The following KCNQ1 variants were observed in gnomAD, a reference collection of about 807,000 sequenced individuals.
The protein encoded by KCNQ1 is potassium voltage-gated channel subfamily KQT member 1.
Under a neutral mutation model 72.4 loss-of-function variants are expected in KCNQ1, and 49 were observed. The ratio of observed to expected loss-of-function variants is 0.68; its 90% confidence interval spans 0.54 to 0.86. KCNQ1 has a LOEUF of 0.86. Ranked by LOEUF, KCNQ1 falls within the 40% of genes least tolerant of loss-of-function variation. The probability of loss-of-function intolerance (pLI) is 0.00; values close to 1 mark genes in which losing one functional copy is unlikely to be tolerated. For missense variants in KCNQ1, 790 were observed against 945.1 expected (o/e 0.84, Z 2.15); for synonymous variants, 450 against 412.6 (o/e 1.09, Z -1.10).
intron 1 of KCNQ1, among the ~76,000 whole-genome samples, chr11:2,519,422 ACT>A (rs1473306761): frequency 2.0e-5 from 3 of 152,082 alleles, no homozygotes; most frequent in Non-Finnish European, 4.4e-5. Flanking sequence ...TGAAAAGGAA[ACT>A]CTGAGCTTTG....
Position 2,451,425 on chromosome 11 carries a change from A to G in KCNQ1, c.386+5941A>G, listed in dbSNP as rs1037642873. 1.3e-5 allele frequency among the ~76,000 whole-genome samples: 2 copies of G among 152,136 alleles called. No homozygotes were observed. The highest frequency in any genetic ancestry group is 4.8e-5 in the African/African-American group (2 of 41,428). Reference sequence around the variant, plus strand: ...ACTGCTGTGCGGCCTGCTCCCTAACAGGCCACGGACCCGGGGTTGGAGAAC... The same window carrying G: ...ACTGCTGTGCGGCCTGCTCCCTAACGGGCCACGGACCCGGGGTTGGAGAAC... On this transcript the variant is annotated intron_variant, in intron 1 of 15. Transcript: ENST00000155840. This position sits in a 1 kb window ranked among gnomAD's most constrained non-coding sequence, Gnocchi z 6.4.
intron 10 of KCNQ1, chr11:2,633,755 T>G (rs1849403142): frequency 2.5e-6 from 1 of 398,514 alleles, no homozygotes. Context: ...CATGCTAATT[T>G]GGTTACCATT....
Position 2,445,165 on chromosome 11 carries a change from GC to G in KCNQ1, c.70del (p.Arg24GlyfsTer62). 2.6e-6 allele frequency: 3 copies of G among 1,135,234 alleles called. No homozygotes were observed. Among genetic ancestry groups the G allele is most frequent in the Non-Finnish European group, 1.1e-6 (1 of 923,078 alleles). The allele number at this position is 1,135,234 out of a possible 1,614,324, so 70.3% of individuals were successfully genotyped here. A position where few individuals can be genotyped will look rare whatever the true frequency, so the allele number is the denominator to read the frequency against. On this transcript the variant is annotated frameshift_variant, in exon 1 of 16. Transcript: ENST00000155840. LOFTEE classifies it high-confidence loss of function. Reference protein sequence around the residue: ...KRWGWGRLPGARRGSAGLAKK... With the variant: ...KRWGWGRLPGXRRGSAGLAKK... ...CTGGGGTTGGGGCCGCCTGCCAGGC[GC>G]CCGGCGGGGCAGCGCGGGCCTGGCC...
rs1305672445 is a variant in KCNQ1, at chr11:2,544,897, A to G, written c.477+16879A>G. Among the ~76,000 whole-genome samples, 3 of 152,200 alleles carry G rather than the reference A, an allele frequency of 2.0e-5. No homozygotes were observed. ...TCCCCAGCCTTAGAAGACACACATC[A>G]TTGTTCACCGTCAAGGGTGATGTTG... On this transcript the variant is annotated intron_variant, in intron 2 of 15. Coordinates refer to ENST00000155840, the MANE Select transcript of KCNQ1 (RefSeq NM_000218.3). This position sits in a 1 kb window ranked among gnomAD's most constrained non-coding sequence, Gnocchi z 4.4.
chr11:2,624,926 T>G lies in KCNQ1; in HGVS notation c.1393+36072T>G. 1 of 398,606 alleles carries G rather than the reference T, an allele frequency of 2.5e-6. No individual in the cohort carries two copies. The highest frequency in any genetic ancestry group is 4.4e-6 in the Non-Finnish European group (1 of 226,076). 24.7% of individuals were successfully genotyped at this position (398,606 alleles called of 1,614,324 possible). A position where few individuals can be genotyped will look rare whatever the true frequency, so the allele number is the denominator to read the frequency against. On this transcript the variant is annotated intron_variant, in intron 10 of 15. Transcript: ENST00000155840. This position sits in a 1 kb window ranked among gnomAD's most constrained non-coding sequence, Gnocchi z 4.9. ...TGGCATGTGTCAAAATTTCTATTTT[T>G]TTTAAAGCTGAATAATATTACATTG...
rs1491026804 is a variant in KCNQ1 at position 2,830,027 on chromosome 11, A to AAGGAGGAGGG, written c.1795-17732_1795-17723dup. Among the ~76,000 whole-genome samples, 5 of 83,968 alleles carry AAGGAGGAGGG rather than the reference A, an allele frequency of 6.0e-5. No individual in the cohort carries two copies. The highest frequency in any genetic ancestry group is 1.4e-4 in the Admixed American group (1 of 7,338). 55.1% of individuals were successfully genotyped at this position (83,968 alleles called of 152,430 possible). A position where few individuals can be genotyped will look rare whatever the true frequency, so the allele number is the denominator to read the frequency against. On this transcript the variant is annotated intron_variant, in intron 15 of 15. Transcript: ENST00000155840. The surrounding 1 kb of genome is among the most constrained non-coding windows in gnomAD (Gnocchi z 7.7). ...GGAGGAAGGAGGAGGAAGGAGGAGG[A>AAGGAGGAGGG]AGGAGGAGGGAGGAGGAAGGAGGAG...
chr11:2,790,360 C>T (rs1846997191), intron 15 of KCNQ1, among the ~76,000 whole-genome samples: 1 of 152,222 alleles, frequency 6.6e-6, no homozygotes, highest in African/African-American at 2.4e-5. Context: ...CCTACTGAGA[C>T]AGCCGGGCCA....
chr11:2,539,066 TG>T (rs1847781086), intron 2 of KCNQ1, among the ~76,000 whole-genome samples: 1 of 152,134 alleles, frequency 6.6e-6, no homozygotes, highest in Non-Finnish European at 1.5e-5. Flanking sequence ...CAGCCCATGG[TG>T]CTCCGGCCAG....
At position 2,827,290 on chromosome 11, in the gene KCNQ1, A is replaced by G. The variant is rs1847858969; in HGVS notation, c.1795-20477A>G. On this transcript the variant is annotated intron_variant, in intron 15 of 15. Transcript: ENST00000155840. This position sits in a 1 kb window ranked among gnomAD's most constrained non-coding sequence, Gnocchi z 6.7. Reference sequence around the variant, plus strand: ...AGGGTCCCAGAGTAGCAGAAGCTTCAGGGCTGATGTGTGCCTGGTGAATCA... The same window carrying G: ...AGGGTCCCAGAGTAGCAGAAGCTTCGGGGCTGATGTGTGCCTGGTGAATCA... 6.6e-6 allele frequency among the ~76,000 whole-genome samples: 1 copy of G among 152,088 alleles called. No individual in the cohort carries two copies.
chr11:2,799,221 A>G (rs576855572), intron 15 of KCNQ1, among the ~76,000 whole-genome samples: 2 of 152,354 alleles, frequency 1.3e-5, no homozygotes, highest in Non-Finnish European at 1.5e-5. Context: ...TCTCAGAGGC[A>G]GGCAGGGGCC....
rs971030385 is a variant in KCNQ1, at chr11:2,651,906, G to A, written c.1394-10055G>A. ...GGGGGTCATAGCCGAGGGTCCCTCT[G>A]GGGCCGCTTGCTCTCCTCCTACTCA... On this transcript the variant is annotated intron_variant, in intron 10 of 15. Transcript: ENST00000155840. This position sits in a 1 kb window ranked among gnomAD's most constrained non-coding sequence, Gnocchi z 6.1. 2.5e-6 allele frequency: 1 copy of A among 398,782 alleles called. No homozygotes were observed. Among genetic ancestry groups the A allele is most frequent in the East Asian group, 3.6e-5 (1 of 28,070 alleles). The allele number at this position is 398,782 out of a possible 1,614,324, so 24.7% of individuals were successfully genotyped here. A position where few individuals can be genotyped will look rare whatever the true frequency, so the allele number is the denominator to read the frequency against.
intron 15 of KCNQ1, chr11:2,840,236 C>G (rs1023812424): frequency 6.6e-6 from 1 of 152,652 alleles, no homozygotes; most frequent in Non-Finnish European, 1.5e-5. Context: ...TCTTCATCCT[C>G]GTCATCTTCA....
chr11:2,848,978 C>T lies in KCNQ1; in HGVS notation c.*975C>T, dbSNP rs74048340. ...AATTGTGCAAGCTTTTCCTAATAAA[C>T]GTGGAGAATCACAGGCTGGGCTGGG... is the stretch of plus-strand genomic sequence containing the variant. On this transcript the variant is annotated 3_prime_UTR_variant, in exon 16 of 16. Coordinates refer to ENST00000155840, the MANE Select transcript of KCNQ1 (RefSeq NM_000218.3). The T allele has an allele frequency of 3.3e-3, 1,519 of 454,154 alleles. 20 individuals carry two copies. The highest frequency in any genetic ancestry group is 0.025 in the African/African-American group (1,266 of 50,128). 28.1% of individuals were successfully genotyped at this position (454,154 alleles called of 1,614,324 possible).
Position 2,725,201 on chromosome 11 carries a change from G to C in KCNQ1, c.1515-43643G>C, listed in dbSNP as rs1845737539. Among the ~76,000 whole-genome samples, 1 of 152,234 alleles carries C rather than the reference G, an allele frequency of 6.6e-6. No individual in the cohort carries two copies. The highest frequency in any genetic ancestry group is 1.5e-5 in the Non-Finnish European group (1 of 68,038). ...CAGGAGGAAGCCGACGGCCATCTGT[G>C]CTCAGACCCAGTGGTGAGCCTAAGA... On this transcript the variant is annotated intron_variant, in intron 11 of 15. Coordinates refer to ENST00000155840, the MANE Select transcript of KCNQ1 (RefSeq NM_000218.3). This position sits in a 1 kb window ranked among gnomAD's most constrained non-coding sequence, Gnocchi z 7.2.
chr11:2,629,853 T>C, intron 10 of KCNQ1: 1 of 398,068 alleles, frequency 2.5e-6, no homozygotes, highest in Non-Finnish European at 4.4e-6. Flanking sequence ...TCTACATATA[T>C]GATGTCATCT....
At chr11:2,576,042 C>G (rs1004404245) in intron 6 of KCNQ1, among the ~76,000 whole-genome samples, 4 of 152,256 alleles carry the variant, frequency 2.6e-5, no homozygotes, top group African/African-American at 9.6e-5. Context: ...AGGACACTTG[C>G]TGTTGGCTTT....
chr11:2,589,415 A>T (rs1042639825), intron 10 of KCNQ1, among the ~76,000 whole-genome samples: 2 of 152,150 alleles, frequency 1.3e-5, no homozygotes. Flanking sequence ...GGATGAAGCT[A>T]CCTTCTGCGG....
chr11:2,708,454 C>T (rs569732115), intron 11 of KCNQ1, among the ~76,000 whole-genome samples: 1 of 152,292 alleles, frequency 6.6e-6, no homozygotes, highest in South Asian at 2.1e-4. Context: ...CCACAGCCCC[C>T]GAGGAGGGTG....
rs1412674381 is a variant in KCNQ1, at chr11:2,768,342, T to C, written c.1515-502T>C. Among the ~76,000 whole-genome samples the C allele has an allele frequency of 1.3e-5, 2 of 152,230 alleles. No individual in the cohort carries two copies. The highest frequency in any genetic ancestry group is 2.9e-5 in the Non-Finnish European group (2 of 68,024). On this transcript the variant is annotated intron_variant, in intron 11 of 15. Transcript: ENST00000155840. This position sits in a 1 kb window ranked among gnomAD's most constrained non-coding sequence, Gnocchi z 6.7. ...CGCAGCCCCCTTAACAGAGTGGCTC[T>C]GGTGGCAACTTTCCCTTGTTAATTT...
Sources: gnomAD v4.1 joint callset for allele counts (sites outside exome capture counted in the v4.1 genomes callset) on GRCh38, gnomAD v4.1.1 for gene constraint, Gnocchi (gnomAD v3.1) non-coding constraint, MANE v1.5 for transcripts, NCBI Gene and HGNC (gene_info 2026-07-23, HGNC 2026-07-21) for gene names.